DOCK4: variants seen among roughly 807,000 people sequenced by gnomAD.
The protein encoded by DOCK4 is dedicator of cytokinesis 4.
A neutral mutation model predicts 268.1 loss-of-function variants in DOCK4; 97 were observed. The ratio of observed to expected loss-of-function variants is 0.36; its 90% CI spans 0.31 to 0.43. The LOEUF is 0.43. DOCK4 is among the 20% of genes least tolerant of loss of function. DOCK4 has a pLI of 1.00. For synonymous variants in DOCK4, 954 were observed against 887.2 expected (o/e 1.08, Z -1.34); for missense variants, 2,145 against 2,455.7 (o/e 0.87, Z 2.67).
At chr7:112,022,197 A>G (rs2106911) in intron 1 of DOCK4, among the ~76,000 whole-genome samples, 7,252 of 152,248 alleles carry the variant, frequency 0.048, 370 homozygotes, top group East Asian at 0.23. Flanking sequence ...CACTCACTCA[A>G]TGTTTACTAA....
At chr7:111,905,169 C>T (rs1032702071) in intron 13 of DOCK4, among the ~76,000 whole-genome samples, 1 of 152,166 alleles carries the variant, frequency 6.6e-6, no homozygotes, top group African/African-American at 2.4e-5. Flanking sequence ...TAAATCAATA[C>T]ACTTGAGGTT....
intron 8 of DOCK4, among the ~76,000 whole-genome samples, chr7:111,976,159 A>AT (rs60579240): frequency 0.011 from 779 of 70,092 alleles, 58 homozygotes; most frequent in Non-Finnish European, 0.014. Context: ...AAAAAAAAAA[A>AT]AAATATATAT....
chr7:111,778,452 T>C (rs1054638213), intron 35 of DOCK4, 83 bp from the exon 36 acceptor site: 8 of 793,516 alleles, frequency 1.0e-5, no homozygotes, highest in African/African-American at 5.3e-5. Flanking sequence ...TAAAGTTCCA[T>C]GTCTGGAGCC....
chr7:112,123,650 A>G (rs1273075399), intron 1 of DOCK4, among the ~76,000 whole-genome samples: 1 of 152,192 alleles, frequency 6.6e-6, no homozygotes, highest in Non-Finnish European at 1.5e-5. Flanking sequence ...TGTATCAACT[A>G]TTTGCTCAAT....
At chr7:112,052,226 T>C (rs1805423432) in intron 1 of DOCK4, among the ~76,000 whole-genome samples, 1 of 152,174 alleles carries the variant, frequency 6.6e-6, no homozygotes, top group African/African-American at 2.4e-5. Context: ...TTTTGATCTG[T>C]GATTGAATCC....
chr7:111,919,724 T>G (rs1314365198), intron 12 of DOCK4, among the ~76,000 whole-genome samples: 2 of 152,204 alleles, frequency 1.3e-5, no homozygotes, highest in African/African-American at 4.8e-5. Context: ...GACACAGTGT[T>G]TGACCACAGT....
chr7:112,170,890 T>C (rs750219620), intron 1 of DOCK4, among the ~76,000 whole-genome samples: 6 of 152,214 alleles, frequency 3.9e-5, no homozygotes, highest in Non-Finnish European at 8.8e-5. Context: ...AATTGCACTT[T>C]TAGTGCGATG....
intron 1 of DOCK4, among the ~76,000 whole-genome samples, chr7:112,154,924 G>A (rs1048721263): frequency 6.6e-6 from 1 of 152,170 alleles, no homozygotes. Flanking sequence ...AACAGGTAGA[G>A]AAAAGAGAGG....
At chr7:111,942,518 CT>C (rs900837843) in intron 10 of DOCK4, among the ~76,000 whole-genome samples, 26 of 152,160 alleles carry the variant, frequency 1.7e-4, no homozygotes, top group African/African-American at 4.8e-4. Context: ...ACCGCCTTGC[CT>C]CTAGTTTCAA....
chr7:111,959,889 C>T (rs1362787565), intron 8 of DOCK4, among the ~76,000 whole-genome samples: 1 of 152,158 alleles, frequency 6.6e-6, no homozygotes, highest in Non-Finnish European at 1.5e-5. Flanking sequence ...TTGCTAAGCA[C>T]ATCCAGCAAA....
chr7:111,726,493 G>A lies in DOCK4; in HGVS notation c.*1781C>T, dbSNP rs13232520. The A allele has an allele frequency of 2.0e-5, 3 of 152,298 alleles. No homozygotes were observed. The highest frequency in any genetic ancestry group is 2.1e-4 in the South Asian group (1 of 4,836). 9.4% of individuals were successfully genotyped at this position (152,298 alleles called of 1,614,324 possible). A position where few individuals can be genotyped will look rare whatever the true frequency, so the allele number is the denominator to read the frequency against. ...TATATATGAATGTGGTTACAAACACGAAGTGTTATCAAAAGCAAAAGCTAG... is the reference window on the plus strand; with the variant it reads ...TATATATGAATGTGGTTACAAACACAAAGTGTTATCAAAAGCAAAAGCTAG... On this transcript the variant is annotated 3_prime_UTR_variant, in exon 53 of 53. Coordinates refer to ENST00000428084, the MANE Select transcript of DOCK4 (RefSeq NM_001363540.2).
In DOCK4 at chr7:111,735,036, A is replaced by C. The variant is rs751998356; in HGVS notation, c.5419+18T>G. The C allele has an allele frequency of 6.5e-7, 1 of 1,536,324 alleles. No homozygotes were observed. The highest frequency in any genetic ancestry group is 1.2e-5 in the South Asian group (1 of 84,314). On this transcript the variant is annotated intron_variant, in intron 51 of 52. Coordinates refer to ENST00000428084, the MANE Select transcript of DOCK4 (RefSeq NM_001363540.2). The stretch of plus-strand genomic sequence containing the variant: ...GTTATTTTATAAAAGTGATCATTCA[A>C]ATTCTTCAAATACCCACCAGTCTGT...
chr7:111,850,359 C>G (rs1804448257), intron 23 of DOCK4, among the ~76,000 whole-genome samples: 1 of 151,900 alleles, frequency 6.6e-6, no homozygotes, highest in African/African-American at 2.4e-5. Flanking sequence ...CGACTCTGTT[C>G]CTTGGCTATG....
intron 36 of DOCK4, among the ~76,000 whole-genome samples, chr7:111,774,383 G>T (rs557035521): frequency 1.3e-5 from 2 of 152,032 alleles, no homozygotes; most frequent in South Asian, 4.1e-4. Context: ...CAGGAGAATC[G>T]CTTGAACCTG....
chr7:111,742,197 G>A (rs1795963102), intron 44 of DOCK4, 65 bp from the exon 45 acceptor site: 2 of 1,478,874 alleles, frequency 1.4e-6, no homozygotes, highest in Admixed American at 2.4e-5. Context: ...TGCCTGCTAT[G>A]GGCCGAGCAC....
chr7:112,012,268 T>A (rs1801396119), intron 1 of DOCK4, among the ~76,000 whole-genome samples: 1 of 151,774 alleles, frequency 6.6e-6, no homozygotes, highest in African/African-American at 2.4e-5. Context: ...GTTATTAAGT[T>A]AAACTTAGAC....
chr7:112,132,626 G>A (rs1181746726), intron 1 of DOCK4, among the ~76,000 whole-genome samples: 1 of 152,110 alleles, frequency 6.6e-6, no homozygotes, highest in African/African-American at 2.4e-5. Context: ...ATAGAAAAAA[G>A]GGGCGGGGGG....
chr7:112,159,359 G>A (rs534648738), intron 1 of DOCK4, among the ~76,000 whole-genome samples: 1 of 151,710 alleles, frequency 6.6e-6, no homozygotes, highest in South Asian at 2.1e-4. Flanking sequence ...CATCCTCATC[G>A]CTCCCTGGTG....
chr7:112,049,253 T>C (rs1805134865), intron 1 of DOCK4, among the ~76,000 whole-genome samples: 1 of 152,114 alleles, frequency 6.6e-6, no homozygotes, highest in Non-Finnish European at 1.5e-5. Context: ...CACAAAGGCT[T>C]GAAGGAGAGA....
Sources: allele counts gnomAD v4.1 joint callset (sites outside exome capture counted in the v4.1 genomes callset), GRCh38; gene constraint gnomAD v4.1.1; transcripts MANE v1.5; gene names NCBI Gene and HGNC (gene_info 2026-07-23, HGNC 2026-07-21).